PIEZO2: variants seen among roughly 807,000 people sequenced by gnomAD.
The protein encoded by PIEZO2 is piezo-type mechanosensitive ion channel component 2.
A neutral mutation model predicts 337.3 loss-of-function variants in PIEZO2; 172 were observed. That is an observed-to-expected ratio of 0.51 (90% CI 0.45 to 0.58). The LOEUF (loss-of-function observed/expected upper bound fraction) is 0.58. PIEZO2 is among the 20% of genes least tolerant of loss of function. The pLI is 0.00. For synonymous variants in PIEZO2, 1,251 were observed against 1,228.5 expected (o/e 1.02, Z -0.38); for missense variants, 3,028 against 3,391.3 (o/e 0.89, Z 2.66).
intron 12 of PIEZO2, 94 bp downstream of exon 12, chr18:10,797,280 T>C: frequency 8.7e-7 from 1 of 1,144,532 alleles, no homozygotes; most frequent in Non-Finnish European, 1.2e-6. Flanking sequence ...TACCATTATA[T>C]ATGTACCATC....
At chr18:11,034,568 C>G (rs943987220) in intron 2 of PIEZO2, among the ~76,000 whole-genome samples, 2 of 152,214 alleles carry the variant, frequency 1.3e-5, no homozygotes, top group Non-Finnish European at 2.9e-5. Context: ...GCTGGGATTA[C>G]AGGCGTGAGC....
At chr18:10,950,191 G>A (rs576555428) in intron 3 of PIEZO2, among the ~76,000 whole-genome samples, 2 of 152,322 alleles carry the variant, frequency 1.3e-5, no homozygotes, top group African/African-American at 2.4e-5. Flanking sequence ...GGTTAGCATA[G>A]ATAAGCCCAC....
Position 10,773,578 on chromosome 18 carries a change from A to G in PIEZO2, c.2619T>C (p.Thr873=). The G allele has an allele frequency of 1.3e-6, 2 of 1,537,396 alleles. No homozygotes were observed. The highest frequency in any genetic ancestry group is 1.2e-5 in the South Asian group (1 of 84,056). ...SLPDLTMMHL[T]ASLEKPEVRK... is the part of the protein sequence containing the mutation. Reference sequence around the variant, plus strand: ...TCACCTCCGGCTTCTCCAGGCTGGCAGTCAGATGCATCATGGTGAGGTCCG... The same window carrying G: ...TCACCTCCGGCTTCTCCAGGCTGGCGGTCAGATGCATCATGGTGAGGTCCG... The change falls in exon 20 of 56, where the codon ACT becomes ACC. Residue 873 remains threonine (T), a synonymous_variant. Transcript: ENST00000674853. This position sits in a 1 kb window ranked among gnomAD's most constrained non-coding sequence, Gnocchi z 5.3.
Position 10,767,650 on chromosome 18 carries a change from G to A in PIEZO2, c.2946+2498C>T, listed in dbSNP as rs1240374859. On this transcript the variant is annotated intron_variant, in intron 21 of 55. Coordinates refer to ENST00000674853, the MANE Select transcript of PIEZO2 (RefSeq NM_001378183.1). The surrounding 1 kb of genome is among the most constrained non-coding windows in gnomAD (Gnocchi z 4.2). ...TGAAGAGCTCTGGTTACAGGGTGCA[G>A]AGTCTCTTTGCTGGGCTCCATGTGT... Among the ~76,000 whole-genome samples, 1 of 152,188 alleles carries A rather than the reference G, an allele frequency of 6.6e-6. No homozygotes were observed. The highest frequency in any genetic ancestry group is 1.5e-5 in the Non-Finnish European group (1 of 68,020).
In PIEZO2 at chr18:11,110,604, G is replaced by A. The variant is rs1598975590; in HGVS notation, c.64+37921C>T. On this transcript the variant is annotated intron_variant, in intron 1 of 55. Coordinates refer to ENST00000674853, the MANE Select transcript of PIEZO2 (RefSeq NM_001378183.1). This position sits in a 1 kb window ranked among gnomAD's most constrained non-coding sequence, Gnocchi z 4.2. ...TTCCTTCAGAGGTGGACGGTGGTGGGCAGGGGAGCAGGTGGAGCCGGTGAG... is the reference window on the plus strand; with the variant it reads ...TTCCTTCAGAGGTGGACGGTGGTGGACAGGGGAGCAGGTGGAGCCGGTGAG... 6.6e-6 allele frequency among the ~76,000 whole-genome samples: 1 copy of A among 152,198 alleles called. No individual in the cohort carries two copies. The highest frequency in any genetic ancestry group is 2.4e-5 in the African/African-American group (1 of 41,462).
In PIEZO2 at chr18:10,870,402, C is replaced by T. The variant is rs1190962963; in HGVS notation, c.492+851G>A. On this transcript the variant is annotated intron_variant, in intron 5 of 55. Transcript: ENST00000674853. The surrounding 1 kb of genome is among the most constrained non-coding windows in gnomAD (Gnocchi z 5.3). Reference sequence around the variant, plus strand: ...TGTAATATCTTGCCAAAGCTTATGACTGAAAACATTTAGTACTTGCAAGCG... The same window carrying T: ...TGTAATATCTTGCCAAAGCTTATGATTGAAAACATTTAGTACTTGCAAGCG... Among the ~76,000 whole-genome samples the T allele has an allele frequency of 2.0e-5, 3 of 151,626 alleles. No individual in the cohort carries two copies. Among genetic ancestry groups the T allele is most frequent in the African/African-American group, 7.2e-5 (3 of 41,488 alleles).
chr18:11,082,806 A>C (rs1194670121), intron 1 of PIEZO2, among the ~76,000 whole-genome samples: 1 of 152,188 alleles, frequency 6.6e-6, no homozygotes, highest in Non-Finnish European at 1.5e-5. Flanking sequence ...ACCAAAGTAA[A>C]GCAAACTCCA....
intron 42 of PIEZO2, among the ~76,000 whole-genome samples, chr18:10,703,048 C>T (rs746498466): frequency 3.2e-4 from 48 of 152,110 alleles, no homozygotes; most frequent in Non-Finnish European, 5.4e-4. Flanking sequence ...GAAATGGGGT[C>T]GTGCTATGTT....
chr18:10,720,281 A>G (rs1233646958), intron 36 of PIEZO2, among the ~76,000 whole-genome samples: 2 of 132,708 alleles, frequency 1.5e-5, no homozygotes, highest in East Asian at 4.7e-4. Context: ...GAGAATACAT[A>G]TATCATATGT....
intron 4 of PIEZO2, among the ~76,000 whole-genome samples, chr18:10,883,049 G>A (rs1374076417): frequency 1.3e-5 from 2 of 151,920 alleles, no homozygotes; most frequent in African/African-American, 4.8e-5. Context: ...ATGTTGGCCA[G>A]GATGGTCTCG....
In PIEZO2 at chr18:10,824,048, T is replaced by C. The variant is rs1488547757; in HGVS notation, c.918-16774A>G. 1.3e-5 allele frequency among the ~76,000 whole-genome samples: 2 copies of C among 152,254 alleles called. No homozygotes were observed. Among genetic ancestry groups the C allele is most frequent in the African/African-American group, 4.8e-5 (2 of 41,464 alleles). On this transcript the variant is annotated intron_variant, in intron 7 of 55. Transcript: ENST00000674853. The surrounding 1 kb of genome is among the most constrained non-coding windows in gnomAD (Gnocchi z 4.4). The stretch of plus-strand genomic sequence containing the variant: ...TCATTCCCATGAATATTTAACTCAC[T>C]TTTTCTACATATGTATGCACCCATA...
intron 4 of PIEZO2, among the ~76,000 whole-genome samples, chr18:10,909,241 T>C (rs1045182973): frequency 3.9e-5 from 6 of 152,156 alleles, no homozygotes; most frequent in African/African-American, 1.4e-4. Flanking sequence ...ACAAACAATA[T>C]TGCAAACAGA....
intron 3 of PIEZO2, among the ~76,000 whole-genome samples, chr18:10,966,683 T>G (rs1463579856): frequency 6.6e-6 from 1 of 152,166 alleles, no homozygotes; most frequent in Admixed American, 6.5e-5. Context: ...GAATAAGTTC[T>G]TTAGTGGTGA....
chr18:10,729,635 A>AG (rs1555633410), intron 36 of PIEZO2, among the ~76,000 whole-genome samples: 4 of 151,428 alleles, frequency 2.6e-5, no homozygotes, highest in African/African-American at 7.3e-5. Flanking sequence ...AAAAAAAAAA[A>AG]AAAAGAAAAG....
rs771310186 is a variant in PIEZO2 at position 10,676,554 on chromosome 18, G to A, written c.8081+1193C>T. ...CTTTTACCCCTTGTCCTCCTCAACC[G>A]TGTATACTCTACCCCCATTCAGAGA... On this transcript the variant is annotated intron_variant, in intron 53 of 55. Transcript: ENST00000674853. The surrounding 1 kb of genome is among the most constrained non-coding windows in gnomAD (Gnocchi z 5.1). 7.9e-5 allele frequency among the ~76,000 whole-genome samples: 12 copies of A among 152,258 alleles called. No homozygotes were observed. In the South Asian group the frequency reaches 1.0e-3, roughly 13 times the overall value.
Position 11,075,403 on chromosome 18 carries a change from T to C in PIEZO2, c.65-9181A>G, listed in dbSNP as rs559472038. Among the ~76,000 whole-genome samples the C allele has an allele frequency of 3.7e-3, 568 of 152,358 alleles. 4 individuals are homozygous for C. Among genetic ancestry groups the C allele is most frequent in the Middle Eastern group, 0.017 (5 of 294 alleles). On this transcript the variant is annotated intron_variant, in intron 1 of 55. Coordinates refer to ENST00000674853, the MANE Select transcript of PIEZO2 (RefSeq NM_001378183.1). ...GAAATGAGAGAAAGGAAAAAGGCTG[T>C]TATGTCACCTGATTCATTGTCTATC...
intron 3 of PIEZO2, among the ~76,000 whole-genome samples, chr18:10,967,176 C>A (rs2034043197): frequency 6.6e-6 from 1 of 151,894 alleles, no homozygotes; most frequent in African/African-American, 2.4e-5. Context: ...TGCCAGGATG[C>A]CCAGCTAATT....
In PIEZO2 at chr18:10,784,844, C is replaced by A. The variant is rs1273445339; in HGVS notation, c.2432G>T (p.Arg811Leu). The stretch of plus-strand genomic sequence containing the variant: ...CTTGAGGTCTGTGAGTTCAAGGAAC[C>A]GGTCATGGAAGTAGTGCAGGTGTAA... ...CILHLHYFHDRFLELTDLKSI... is the reference protein window; with the variant it reads ...CILHLHYFHDLFLELTDLKSI... Residue 811 changes from arginine to leucine, a missense_variant, in exon 17 of 56, where the codon CGG becomes CTG. Around this residue, in one of 5 missense-constraint regions of PIEZO2, gnomAD observed 1,925 missense variants for 2,051.9 expected, o/e 0.94. Transcript: ENST00000674853. This position sits in a 1 kb window ranked among gnomAD's most constrained non-coding sequence, Gnocchi z 4.5. The A allele has an allele frequency of 6.5e-7, 1 of 1,537,538 alleles. No homozygotes were observed. The highest frequency in any genetic ancestry group is 1.4e-5 in the African/African-American group (1 of 73,088).
intron 39 of PIEZO2, among the ~76,000 whole-genome samples, chr18:10,710,838 G>A (rs1295425152): frequency 6.6e-6 from 1 of 152,182 alleles, no homozygotes; most frequent in Non-Finnish European, 1.5e-5. Context: ...AGACTACAGT[G>A]TAGACAAATG....
Sources: gnomAD v4.1 joint callset for allele counts (sites outside exome capture counted in the v4.1 genomes callset) on GRCh38, gnomAD v4.1.1 for gene constraint, gnomAD v4.1.1 regional missense constraint, Gnocchi (gnomAD v3.1) non-coding constraint, MANE v1.5 for transcripts, NCBI Gene and HGNC (gene_info 2026-07-23, HGNC 2026-07-21) for gene names.